The following AFDN variants were observed in gnomAD, a reference collection of about 807,000 sequenced individuals.
AFDN encodes afadin, adherens junction formation factor, also known as afadin.
Under a neutral mutation model 216.6 loss-of-function variants are expected in AFDN, and 68 were observed. The ratio of observed to expected loss-of-function variants is 0.31; its 90% CI spans 0.26 to 0.38. AFDN has a LOEUF of 0.38. Ranked by LOEUF, AFDN falls within the 10% of genes least tolerant of loss-of-function variation. The pLI, the probability that AFDN is intolerant of heterozygous loss-of-function variation, is 1.00. For missense variants in AFDN, 2,136 were observed against 2,342.0 expected (o/e 0.91, Z 1.82); for synonymous variants, 868 against 853.7 (o/e 1.02, Z -0.29).
At chr6:167,928,302 G>A (rs1792831646) in intron 23 of AFDN, among the ~76,000 whole-genome samples, 1 of 152,204 alleles carries the variant, frequency 6.6e-6, no homozygotes, top group African/African-American at 2.4e-5. Flanking sequence ...TCTGGCCTCT[G>A]GTTGTTTGTC....
chr6:167,954,000 G>C (rs910682844), intron 30 of AFDN, among the ~76,000 whole-genome samples: 2 of 152,178 alleles, frequency 1.3e-5, no homozygotes, highest in African/African-American at 4.8e-5. Context: ...TAGTATTTCT[G>C]TAAGTATCTT....
At chr6:167,914,783 C>G in intron 18 of AFDN, 45 bp downstream of exon 18, 1 of 1,340,246 alleles carries the variant, frequency 7.5e-7, no homozygotes, top group East Asian at 2.3e-5. Flanking sequence ...GCTTCCTTCA[C>G]GTTTAGCATC....
chr6:167,952,122 G>A lies in AFDN; in HGVS notation c.4768G>A (p.Glu1590Lys). ...GCAGAAGGACGAAGATGACGAGGAG[G>A]AGGAGGACGATGATGTGGACACCAT... Reference protein sequence around the residue: ...SKQKDEDDEEEEDDDVDTMLI... With the variant: ...SKQKDEDDEEKEDDDVDTMLI... Residue 1590 changes from glutamate (E) to lysine (K), a missense_variant, in exon 30 of 34, where the codon GAG (glutamate) becomes AAG (lysine). By Grantham distance (56) the Glu-to-Lys change is moderately conservative. Around this residue, in one of 8 missense-constraint regions of AFDN, gnomAD observed 981 missense variants for 966.0 expected, o/e 1.02. Coordinates refer to ENST00000683244, the MANE Select transcript of AFDN (RefSeq NM_001386888.1). 6.2e-7 allele frequency: 1 copy of A among 1,614,176 alleles called. No individual in the cohort carries two copies. Among genetic ancestry groups the A allele is most frequent in the Non-Finnish European group, 8.5e-7 (1 of 1,180,030 alleles).
intron 1 of AFDN, among the ~76,000 whole-genome samples, chr6:167,844,866 T>TTTTG (rs1781478320): frequency 3.7e-5 from 5 of 136,028 alleles, no homozygotes; most frequent in East Asian, 2.0e-4. Context: ...TTTTTTTTTT[T>TTTTG]TTTTGGTTTT....
intron 1 of AFDN, among the ~76,000 whole-genome samples, chr6:167,860,159 CTTTTTTTTTTT>C (rs370176215): frequency 0.033 from 2,653 of 79,430 alleles, 64 homozygotes; most frequent in Non-Finnish European, 0.048. Flanking sequence ...TACAGCAATG[CTTTTTTTTTTT>C]TTTTTTTTTT....
chr6:167,827,299 C>CCCCCCCGCTGCGCCGCGCCCCGCCCCT, intron 1 of AFDN, 62 bp downstream of exon 1: 1 of 696,312 alleles, frequency 1.4e-6, no homozygotes, highest in Non-Finnish European at 1.8e-6. Flanking sequence ...CCCCGCCCCT[C>CCCCCCCGCTGCGCCGCGCCCCGCCCCT]CCCCCCGCCG....
At chr6:167,866,960 CT>C (rs1052401111) in intron 2 of AFDN, among the ~76,000 whole-genome samples, 5 of 152,192 alleles carry the variant, frequency 3.3e-5, no homozygotes, top group African/African-American at 7.2e-5. Flanking sequence ...TGCATCTATT[CT>C]TTTTATATAG....
At chr6:167,913,915 A>G (rs2128465784) in intron 16 of AFDN, 2 of 501,070 alleles carry the variant, frequency 4.0e-6, no homozygotes, top group Non-Finnish European at 7.0e-6. Context: ...CGCTGATTCC[A>G]TCTATAAATT....
At position 167,952,055 on chromosome 6, in the gene AFDN, C is replaced by A; in HGVS notation, c.4701C>A (p.Leu1567=). The change falls in exon 30 of 34, where the codon CTC becomes CTA. Residue 1567 remains leucine, a synonymous_variant. Coordinates refer to ENST00000683244, the MANE Select transcript of AFDN (RefSeq NM_001386888.1). ...SAEESDRLRK[L]MLEWQFQKRL... is the part of the protein sequence containing the mutation. ...AGGAGAGCGACCGGCTGCGCAAGCT[C>A]ATGCTGGAGTGGCAGTTCCAGAAGA... 1 of 1,614,144 alleles carries A rather than the reference C, an allele frequency of 6.2e-7. No homozygotes were observed. Among genetic ancestry groups the A allele is most frequent in the South Asian group, 1.1e-5 (1 of 91,086 alleles).
At position 167,962,650 on chromosome 6, in the gene AFDN, T is replaced by G. The variant is rs1316993735; in HGVS notation, c.4968+83T>G. On this transcript the variant is annotated intron_variant, in intron 31 of 33. Transcript: ENST00000683244. The surrounding 1 kb of genome is among the most constrained non-coding windows in gnomAD (Gnocchi z 5.2). ...TGGCTGGGGCAGAGCGGGCTGGAAG[T>G]TCTGTGTTTCTTAAGAAGCACGAGG... 2 of 1,596,002 alleles carry G rather than the reference T, an allele frequency of 1.3e-6. No individual in the cohort carries two copies. Among genetic ancestry groups the G allele is most frequent in the African/African-American group, 2.7e-5 (2 of 74,436 alleles).
In AFDN at chr6:167,962,452, GGCGGCA is replaced by G. The variant is rs1306236818; in HGVS notation, c.4856_4861del (p.Arg1619_Gln1620del). ...TGTTAGTTGCAGGACGAGGAGCGGAGGCGGCAGCAGCAGTTAGAAGAGATGCGCAAG... is the reference window on the plus strand; with the variant it reads ...TGTTAGTTGCAGGACGAGGAGCGGAGGCAGCAGTTAGAAGAGATGCGCAAG... On this transcript the variant is annotated inframe_deletion, in exon 31 of 34. Coordinates refer to ENST00000683244, the MANE Select transcript of AFDN (RefSeq NM_001386888.1). The surrounding 1 kb of genome is among the most constrained non-coding windows in gnomAD (Gnocchi z 5.2). 3 of 1,613,652 alleles carry G rather than the reference GGCGGCA, an allele frequency of 1.9e-6. No individual in the cohort carries two copies. Among genetic ancestry groups the G allele is most frequent in the Admixed American group, 1.7e-5 (1 of 59,992 alleles).
intron 13 of AFDN, among the ~76,000 whole-genome samples, chr6:167,908,445 G>C (rs73032765): frequency 3.9e-5 from 6 of 152,088 alleles, no homozygotes; most frequent in African/African-American, 1.4e-4. Context: ...TTTACTTTCC[G>C]TGTTTGTACT....
Position 167,911,352 on chromosome 6 carries a change from C to T in AFDN, c.1900C>T (p.Pro634Ser). ...CTCTACAGTCCACTTTAAGTTGTCC[C>T]CTACATATGTATTATATATGGCATG... ...NSSTVHFKLS[P>S]TYVLYMACRY... The change falls in exon 15 of 34, where the codon CCT becomes TCT. Residue 634 changes from proline (P) to serine (S), a missense_variant. Around this residue, in one of 8 missense-constraint regions of AFDN, gnomAD observed 817 missense variants for 965.7 expected, o/e 0.85. Transcript: ENST00000683244. The T allele has an allele frequency of 1.9e-6, 3 of 1,613,964 alleles. No individual in the cohort carries two copies. Among genetic ancestry groups the T allele is most frequent in the Non-Finnish European group, 2.5e-6 (3 of 1,179,920 alleles).
intron 30 of AFDN, among the ~76,000 whole-genome samples, chr6:167,961,133 C>T (rs921904781): frequency 2.0e-5 from 3 of 151,804 alleles, no homozygotes; most frequent in African/African-American, 7.3e-5. Context: ...ATTTCTACTA[C>T]AAACAATTTA....
rs375289440 is a variant in AFDN, at chr6:167,951,503, C to A, written c.4149C>A (p.Ala1383=). 1.9e-6 allele frequency: 3 copies of A among 1,613,966 alleles called. No individual in the cohort carries two copies. Among genetic ancestry groups the A allele is most frequent in the East Asian group, 4.5e-5 (2 of 44,862 alleles). The change falls in exon 30 of 34, where the codon GCC becomes GCA. Residue 1383 remains alanine, a synonymous_variant. Transcript: ENST00000683244. This position sits in a 1 kb window ranked among gnomAD's most constrained non-coding sequence, Gnocchi z 7.1. The stretch of plus-strand genomic sequence containing the variant: ...CCCCGCCACCTCCAGTCCACTATGC[C>A]GGTGATTTCGATGGAATGTCCATGG... ...PPPPPPPVHY[A]GDFDGMSMDL...
chr6:167,943,410 T>C lies in AFDN; in HGVS notation c.3174T>C (p.Arg1058=). 1.9e-6 allele frequency: 3 copies of C among 1,614,128 alleles called. No individual in the cohort carries two copies. Among genetic ancestry groups the C allele is most frequent in the Non-Finnish European group, 2.5e-6 (3 of 1,179,936 alleles). ...VKGGAADVDG[R]LAAGDQLLSV... The stretch of plus-strand genomic sequence containing the variant: ...CCTGTGGATTTGCCTAGGATGGACG[T>C]CTAGCTGCAGGTGATCAGCTCCTCA... Residue 1058 remains arginine, a synonymous_variant, in exon 25 of 34, where the codon CGT becomes CGC. Transcript: ENST00000683244.
At chr6:167,911,565 TA>T in intron 15 of AFDN, 76 bp downstream of exon 15, 1 of 1,312,674 alleles carries the variant, frequency 7.6e-7, no homozygotes, top group Non-Finnish European at 1.1e-6. Context: ...TCAGCTTCTT[TA>T]AGGCTTCTCA....
intron 1 of AFDN, among the ~76,000 whole-genome samples, chr6:167,851,426 TTCCACCC>T (rs1444128335): frequency 4.6e-5 from 7 of 152,226 alleles, no homozygotes; most frequent in African/African-American, 1.7e-4. Context: ...TTATTTCTTC[TTCCACCC>T]TCCACCCTCC....
In AFDN at chr6:167,846,480, C is replaced by T. The variant is rs140098902; in HGVS notation, c.106-18071C>T. ...AAACAAAACTCCCCGAAAACCAGTG[C>T]GTGAACTTTTAAAAGTTCAAAAATA... On this transcript the variant is annotated intron_variant, in intron 1 of 33. Transcript: ENST00000683244. Among the ~76,000 whole-genome samples the T allele has an allele frequency of 8.9e-3, 1,356 of 151,908 alleles. 24 individuals are homozygous for T. Among genetic ancestry groups the T allele is most frequent in the African/African-American group, 0.032 (1,308 of 41,410 alleles).
Sources: gnomAD v4.1 joint callset for allele counts (sites outside exome capture counted in the v4.1 genomes callset) on GRCh38, gnomAD v4.1.1 for gene constraint, gnomAD v4.1.1 regional missense constraint, Gnocchi (gnomAD v3.1) non-coding constraint, MANE v1.5 for transcripts, NCBI Gene and HGNC (gene_info 2026-07-23, HGNC 2026-07-21) for gene names.